The following ASTN2 variants were observed in gnomAD, a reference collection of about 807,000 sequenced individuals.
ASTN2 encodes the protein astrotactin 2.
Under a neutral mutation model 139.8 loss-of-function variants are expected in ASTN2, and 54 were observed. The ratio of observed to expected loss-of-function variants is 0.39; its 90% CI spans 0.31 to 0.48. ASTN2 has a LOEUF of 0.48. Among genes scored for constraint, ASTN2 ranks in the 20% least tolerant of loss-of-function variants. ASTN2 has a pLI of 0.95. For missense variants in ASTN2, 1,565 were observed against 1,725.1 expected, an observed-to-expected ratio of 0.91 and a Z score of 1.64; for synonymous variants, 756 against 719.5, an observed-to-expected ratio of 1.05 and a Z score of -0.81.
chr9:116,759,685 T>C (rs1184215053), intron 13 of ASTN2, among the ~76,000 whole-genome samples: 20 of 152,166 alleles, frequency 1.3e-4, no homozygotes, highest in Admixed American at 1.3e-3. Flanking sequence ...AAGCAAAACT[T>C]TCCAATTCCT....
At chr9:116,620,233 A>G in intron 18 of ASTN2, 77 bp downstream of exon 18, 3 of 1,601,732 alleles carry the variant, frequency 1.9e-6, no homozygotes, top group Non-Finnish European at 2.6e-6. Context: ...GAAGCAAGTC[A>G]TGGCATGGGC....
intron 10 of ASTN2, among the ~76,000 whole-genome samples, chr9:116,918,965 C>G (rs1034551758): frequency 6.6e-6 from 1 of 151,990 alleles, no homozygotes; most frequent in Non-Finnish European, 1.5e-5. Context: ...TAAATAAAAA[C>G]CACAAATTTA....
chr9:117,154,254 A>G (rs567958868), intron 3 of ASTN2, among the ~76,000 whole-genome samples: 60 of 152,186 alleles, frequency 3.9e-4, no homozygotes, highest in African/African-American at 1.4e-3. Context: ...CGTTACTATG[A>G]GGCTTGGGAT....
chr9:117,115,740 T>G (rs1246324915), intron 4 of ASTN2, among the ~76,000 whole-genome samples: 2 of 151,200 alleles, frequency 1.3e-5, no homozygotes, highest in African/African-American at 2.4e-5. Context: ...AAGAGACAAT[T>G]GCTGGCCGGG....
intron 12 of ASTN2, 147 bp downstream of exon 12, chr9:116,820,470 G>T: frequency 1.9e-6 from 2 of 1,034,198 alleles, no homozygotes; most frequent in South Asian, 1.8e-5. Context: ...TTTGGCTTTT[G>T]GCTCTTGGAC....
chr9:116,994,858 TATA>T (rs2132557817), intron 7 of ASTN2, among the ~76,000 whole-genome samples: 1 of 152,330 alleles, frequency 6.6e-6, no homozygotes, highest in Non-Finnish European at 1.5e-5. Flanking sequence ...TAGTCACAGC[TATA>T]ATAATACCAA....
chr9:116,612,071 A>G (rs1346730391), intron 19 of ASTN2: 1 of 152,136 alleles, frequency 6.6e-6, no homozygotes, highest in Non-Finnish European at 1.5e-5. Context: ...AAACTATACA[A>G]TCATTTTAAT....
At chr9:117,109,444 C>T (rs757253556) in intron 4 of ASTN2, among the ~76,000 whole-genome samples, 20 of 152,218 alleles carry the variant, frequency 1.3e-4, no homozygotes, top group Non-Finnish European at 2.8e-4. Flanking sequence ...TTACACCCAA[C>T]TCTCTGGTTC....
chr9:116,467,213 T>C (rs910755318), intron 20 of ASTN2, among the ~76,000 whole-genome samples: 4 of 152,012 alleles, frequency 2.6e-5, no homozygotes, highest in Non-Finnish European at 4.4e-5. Flanking sequence ...AAACTCACTT[T>C]AGAATGCAGC....
intron 5 of ASTN2, among the ~76,000 whole-genome samples, chr9:117,054,056 A>C (rs780200017): frequency 1.3e-5 from 2 of 152,108 alleles, no homozygotes; most frequent in African/African-American, 2.4e-5. Context: ...AAAGAGGAGA[A>C]AATGTTCTGT....
chr9:116,513,573 T>C (rs954812674), intron 19 of ASTN2, among the ~76,000 whole-genome samples: 3 of 152,244 alleles, frequency 2.0e-5, no homozygotes, highest in African/African-American at 7.2e-5. Context: ...GAAGCTCTTC[T>C]GGATATTATC....
At chr9:117,401,539 A>G (rs1302040007) in intron 1 of ASTN2, among the ~76,000 whole-genome samples, 2 of 152,232 alleles carry the variant, frequency 1.3e-5, no homozygotes, top group Admixed American at 1.3e-4. Context: ...CAGGTCGTAA[A>G]CAGGGGAGTG....
At chr9:117,257,132 G>A (rs1398735653) in intron 2 of ASTN2, among the ~76,000 whole-genome samples, 4 of 152,144 alleles carry the variant, frequency 2.6e-5, no homozygotes, top group African/African-American at 9.7e-5. Flanking sequence ...AAACAAACTT[G>A]TCCTTACTTT....
intron 16 of ASTN2, among the ~76,000 whole-genome samples, chr9:116,712,435 G>T (rs567924561): frequency 6.6e-6 from 1 of 152,248 alleles, no homozygotes; most frequent in East Asian, 1.9e-4. Context: ...ATTTACTGCT[G>T]CATCCATAGC....
At chr9:116,988,581 G>A (rs777529513) in intron 7 of ASTN2, among the ~76,000 whole-genome samples, 2 of 152,128 alleles carry the variant, frequency 1.3e-5, no homozygotes, top group Non-Finnish European at 2.9e-5. Context: ...AACTGAAGCC[G>A]CAAAGTGTTA....
chr9:116,513,679 C>A (rs1850509540), intron 19 of ASTN2, among the ~76,000 whole-genome samples: 1 of 152,208 alleles, frequency 6.6e-6, no homozygotes, highest in African/African-American at 2.4e-5. Context: ...TCCCATATTT[C>A]TTGGAGGCTT....
chr9:116,886,839 G>A (rs991608779), intron 10 of ASTN2, among the ~76,000 whole-genome samples: 2 of 152,162 alleles, frequency 1.3e-5, no homozygotes, highest in Admixed American at 6.5e-5. Flanking sequence ...AGGGGAGACA[G>A]ATAACAAACC....
At chr9:116,935,022 AAG>A (rs1311115611) in intron 10 of ASTN2, among the ~76,000 whole-genome samples, 3 of 152,298 alleles carry the variant, frequency 2.0e-5, no homozygotes, top group African/African-American at 7.2e-5. Flanking sequence ...CTTACCTGTA[AAG>A]AGGTTAGGGG....
intron 16 of ASTN2, among the ~76,000 whole-genome samples, chr9:116,712,346 C>T (rs1034182948): frequency 5.3e-5 from 8 of 152,168 alleles, no homozygotes; most frequent in Non-Finnish European, 1.2e-4. Flanking sequence ...CTAGCATTTA[C>T]ATATTTCATG....
Sources: gnomAD v4.1 joint callset for allele counts (sites outside exome capture counted in the v4.1 genomes callset) on GRCh38, gnomAD v4.1.1 for gene constraint, MANE v1.5 for transcripts, NCBI Gene and HGNC (gene_info 2026-07-23, HGNC 2026-07-21) for gene names.